RYR1: variants seen among roughly 807,000 people sequenced by gnomAD.
RYR1 encodes central core disease of muscle.
In RYR1, 342 loss-of-function variants were observed where a neutral mutation model predicts 583.5. The ratio of observed to expected loss-of-function variants is 0.59; its 90% CI spans 0.54 to 0.64. The LOEUF (loss-of-function observed/expected upper bound fraction) is 0.64. Ranked by LOEUF, RYR1 falls within the 30% of genes least tolerant of loss-of-function variation. The pLI is 0.00. For missense variants in RYR1, 6,032 were observed against 6,917.2 expected, an observed-to-expected ratio of 0.87 and a Z score of 4.54; for synonymous variants, 2,791 against 2,822.5, an observed-to-expected ratio of 0.99 and a Z score of 0.35.
At position 38,475,376 on chromosome 19, in the gene RYR1, C is replaced by G. The variant is rs1340087033; in HGVS notation, c.4219C>G (p.Leu1407Val). The change falls in exon 29 of 106, where the codon CTG (leucine) becomes GTG (valine). Residue 1407 changes from leucine (L) to valine (V), a missense_variant. By Grantham distance (32) the Leu-to-Val change is conservative (BLOSUM62 1). Transcript: ENST00000359596. ...GACCCAGCCACCGGCCACCCCCACGCTGCCCCGACTCCCTCACGACGTGGT... is the reference window on the plus strand; with the variant it reads ...GACCCAGCCACCGGCCACCCCCACGGTGCCCCGACTCCCTCACGACGTGGT... Reference protein sequence around the residue: ...MMTQPPATPTLPRLPHDVVPA... With the variant: ...MMTQPPATPTVPRLPHDVVPA... 3.1e-6 allele frequency: 5 copies of G among 1,613,372 alleles called. No homozygotes were observed. Among genetic ancestry groups the G allele is most frequent in the Non-Finnish European group, 4.2e-6 (5 of 1,179,744 alleles).
In RYR1 at chr19:38,517,700, G is replaced by T. The variant is rs1164138366; in HGVS notation, c.10018+9G>T. On this transcript the variant is annotated intron_variant, in intron 66 of 105. Transcript: ENST00000359596. ...GATGAAGCGGCTGGCTGGTGGGTCG[G>T]GGGGCACTGGGCCTCTGAGGGGTGG... is the stretch of plus-strand genomic sequence containing the variant. 6.2e-7 allele frequency: 1 copy of T among 1,613,892 alleles called. No homozygotes were observed. Among genetic ancestry groups the T allele is most frequent in the Admixed American group, 1.7e-5 (1 of 60,018 alleles).
Position 38,565,549 on chromosome 19 carries a change from C to G in RYR1, c.13215C>G (p.Gly4405=). The G allele has an allele frequency of 6.7e-7, 1 of 1,491,072 alleles. No homozygotes were observed. Among genetic ancestry groups the G allele is most frequent in the African/African-American group, 1.5e-5 (1 of 68,526 alleles). 92.4% of individuals were successfully genotyped at this position (1,491,072 alleles called of 1,614,324 possible). The change falls in exon 91 of 106, where the codon GGC becomes GGG. Residue 4405 remains glycine (G), a synonymous_variant. Transcript: ENST00000359596. This position sits in a 1 kb window ranked among gnomAD's most constrained non-coding sequence, Gnocchi z 4.7. ...QPAGPGGDAD[G]EGASEGAGDA... ...CCGGGCCGGGCGGAGACGCAGACGG[C>G]GAGGGTGCCAGCGAGGGCGCTGGAG...
At position 38,569,766 on chromosome 19, in the gene RYR1, C is replaced by T. The variant is rs113860440; in HGVS notation, c.13660-841C>T. On this transcript the variant is annotated intron_variant, in intron 93 of 105. Coordinates refer to ENST00000359596, the MANE Select transcript of RYR1 (RefSeq NM_000540.3). The stretch of plus-strand genomic sequence containing the variant: ...CCTCAGTTTCCTCATCTGTAAAGTG[C>T]GCATAACAGTAGTGCCCACTTCACA... Among the ~76,000 whole-genome samples the T allele has an allele frequency of 1.4e-4, 22 of 152,242 alleles. 1 individual carries two copies. Among genetic ancestry groups the T allele is most frequent in the African/African-American group, 4.3e-4 (18 of 41,550 alleles).
intron 67 of RYR1, 38 bp from the exon 68 acceptor site, chr19:38,522,990 C>A (rs928251488): frequency 3.3e-6 from 5 of 1,507,614 alleles, no homozygotes; most frequent in Non-Finnish European, 4.5e-6. Flanking sequence ...TCCCTGGGAT[C>A]CCCACCCCCT....
chr19:38,496,541 G>A lies in RYR1; in HGVS notation c.6796G>A (p.Gly2266Ser). ...GCTGGAGAACAGTGGCATCGGCCTG[G>A]GTGAGAACCCCCGAGCCCAGGGGCT... The part of the protein sequence containing the change: ...YLLENSGIGL[G>S]MQGSTPLDVA... Residue 2266 changes from glycine (G) to serine (S), a missense_variant and splice_region_variant, in exon 41 of 106, where the codon GGC becomes AGC. Transcript: ENST00000359596. This position sits in a 1 kb window ranked among gnomAD's most constrained non-coding sequence, Gnocchi z 4.8. 1 of 1,613,262 alleles carries A rather than the reference G, an allele frequency of 6.2e-7. No individual in the cohort carries two copies. Among genetic ancestry groups the A allele is most frequent in the Non-Finnish European group, 8.5e-7 (1 of 1,180,020 alleles).
At chr19:38,537,161 GGTCA>G in intron 83 of RYR1, 1 of 293,534 alleles carries the variant, frequency 3.4e-6, no homozygotes, top group Non-Finnish European at 6.5e-6. Flanking sequence ...ACCTCAGATT[GGTCA>G]GTCAGCGTTT....
chr19:38,463,701 G>A (rs753062891), intron 21 of RYR1, 46 bp from the exon 22 acceptor site: 1 of 1,568,492 alleles, frequency 6.4e-7, no homozygotes, highest in African/African-American at 1.4e-5. Flanking sequence ...TGTGGGGAGT[G>A]GGAAGGAAAG....
At chr19:38,580,525 T>C in intron 101 of RYR1, 21 bp downstream of exon 101, 1 of 1,613,818 alleles carries the variant, frequency 6.2e-7, no homozygotes, top group South Asian at 1.1e-5. Flanking sequence ...CCCCTAGCAC[T>C]CTGGGACCCT....
At chr19:38,478,074 TCTC>T (rs893527314) in intron 30 of RYR1, among the ~76,000 whole-genome samples, 10 of 151,458 alleles carry the variant, frequency 6.6e-5, no homozygotes, top group Non-Finnish European at 1.5e-4. Flanking sequence ...GTATTTTTCT[TCTC>T]CTCCTCCTCC....
chr19:38,452,699 C>T (rs1967139557), intron 12 of RYR1, 120 bp from the exon 13 acceptor site: 3 of 865,760 alleles, frequency 3.5e-6, no homozygotes, highest in Admixed American at 2.6e-5. Context: ...CTCTGCGTCT[C>T]GGTCTCCCTC....
At chr19:38,440,711 G>C in intron 1 of RYR1, 34 bp from the exon 2 acceptor site, 1 of 1,601,810 alleles carries the variant, frequency 6.2e-7, no homozygotes. Flanking sequence ...TCCGGGCCAG[G>C]CCCCCCTGGA....
At position 38,523,223 on chromosome 19, in the gene RYR1, A is replaced by C. The variant is rs1216682431; in HGVS notation, c.10354A>C (p.Lys3452Gln). ...FIYWSKSHNF[K>Q]REEQNFVVQN... ...ACACTGCTTCCCCCACCAGAACTTC[A>C]AGCGCGAGGAGCAGAACTTTGTGGT... is the stretch of plus-strand genomic sequence containing the variant. The change falls in exon 69 of 106, where the codon AAG (lysine) becomes CAG (glutamine). Residue 3452 changes from lysine (K) to glutamine (Q), a missense_variant. Around this residue, in one of 11 missense-constraint regions of RYR1, gnomAD observed 1,493 missense variants for 1,715.5 expected, o/e 0.87. Coordinates refer to ENST00000359596, the MANE Select transcript of RYR1 (RefSeq NM_000540.3). 1 of 1,614,102 alleles carries C rather than the reference A, an allele frequency of 6.2e-7. No individual in the cohort carries two copies. Among genetic ancestry groups the C allele is most frequent in the African/African-American group, 1.3e-5 (1 of 75,032 alleles).
chr19:38,495,000 G>T (rs758607626), intron 39 of RYR1, among the ~76,000 whole-genome samples: 2 of 151,570 alleles, frequency 1.3e-5, no homozygotes, highest in Non-Finnish European at 2.9e-5. Context: ...TTACAGGCAC[G>T]CACCACCATA....
At chr19:38,549,062 G>C (rs1374410332) in intron 89 of RYR1, among the ~76,000 whole-genome samples, 5 of 152,130 alleles carry the variant, frequency 3.3e-5, no homozygotes. Context: ...ACGCATCAAT[G>C]ACCAAGATAG....
In RYR1 at chr19:38,566,207, G is replaced by A. The variant is rs374897530; in HGVS notation, c.13437+436G>A. The stretch of plus-strand genomic sequence containing the variant: ...CTTACACCTGTGATCCCAGCACTTT[G>A]GGAGGCCGAGGCGGGCCGATCACCT... On this transcript the variant is annotated intron_variant, in intron 91 of 105. Transcript: ENST00000359596. Among the ~76,000 whole-genome samples, 57 of 152,074 alleles carry A rather than the reference G, an allele frequency of 3.7e-4. No homozygotes were observed. In the South Asian group the frequency reaches 7.7e-3, roughly 20 times the overall value.
intron 61 of RYR1, 104 bp from the exon 62 acceptor site, chr19:38,511,968 C>A: frequency 4.4e-6 from 6 of 1,352,136 alleles, no homozygotes; most frequent in Non-Finnish European, 6.2e-6. Context: ...CAACTTAGCC[C>A]GCAGGTAGCC....
rs1172119838 is a variant in RYR1 at position 38,475,446 on chromosome 19, C to A, written c.4289C>A (p.Thr1430Asn). The change falls in exon 29 of 106, where the codon ACC becomes AAC. Residue 1430 changes from threonine to asparagine, a missense_variant. Around this residue, in one of 11 missense-constraint regions of RYR1, gnomAD observed 2,627 missense variants for 2,961.3 expected, o/e 0.89. Coordinates refer to ENST00000359596, the MANE Select transcript of RYR1 (RefSeq NM_000540.3). ...RDDPEIILNTTTYYYSVRVFA... is the reference protein window; with the variant it reads ...RDDPEIILNTNTYYYSVRVFA... ...GACCCCGAGATCATCCTCAACACCACCACGGTGTGGACCAGTAACCCTCAA... is the reference window on the plus strand; with the variant it reads ...GACCCCGAGATCATCCTCAACACCAACACGGTGTGGACCAGTAACCCTCAA... The A allele has an allele frequency of 9.3e-6, 15 of 1,613,578 alleles. No individual in the cohort carries two copies. Among genetic ancestry groups the A allele is most frequent in the Non-Finnish European group, 1.2e-5 (14 of 1,180,034 alleles).
chr19:38,481,614 C>A (rs938563399), intron 31 of RYR1, among the ~76,000 whole-genome samples: 4 of 152,144 alleles, frequency 2.6e-5, no homozygotes, highest in African/African-American at 9.7e-5. Flanking sequence ...CCTGGACCAA[C>A]CAGCAGGAGA....
In RYR1 at chr19:38,496,935, A is replaced by G; in HGVS notation, c.6872A>G (p.Gln2291Arg). The G allele has an allele frequency of 6.2e-7, 1 of 1,613,544 alleles. No homozygotes were observed. The highest frequency in any genetic ancestry group is 2.2e-5 in the East Asian group (1 of 44,866). ...AACAATGAGCTGGCCTTGGCATTGC[A>G]GGAGCAGGACCTGGAAAAGGTGTGG... ...IDNNELALAL[Q>R]EQDLEKVVSY... Residue 2291 changes from glutamine to arginine, a missense_variant, in exon 42 of 106, where the codon CAG becomes CGG. By Grantham distance (43) the Gln-to-Arg change is conservative. This residue lies in a region of RYR1 where 2,627 missense variants were observed against 2,961.3 expected (regional missense o/e 0.89). Coordinates refer to ENST00000359596, the MANE Select transcript of RYR1 (RefSeq NM_000540.3). This position sits in a 1 kb window ranked among gnomAD's most constrained non-coding sequence, Gnocchi z 4.8.
Sources: gnomAD v4.1 joint callset for allele counts (sites outside exome capture counted in the v4.1 genomes callset) on GRCh38, gnomAD v4.1.1 for gene constraint, gnomAD v4.1.1 regional missense constraint, Gnocchi (gnomAD v3.1) non-coding constraint, MANE v1.5 for transcripts, NCBI Gene and HGNC (gene_info 2026-07-23, HGNC 2026-07-21) for gene names.